MALRD1: variants seen among roughly 807,000 people sequenced by gnomAD.
The protein encoded by MALRD1 is MAM and LDL receptor class A domain containing 1.
In MALRD1, 247 loss-of-function variants were observed where a neutral mutation model predicts 242.1. The ratio of observed to expected loss-of-function variants is 1.02; its 90% CI spans 0.92 to 1.13. The LOEUF (loss-of-function observed/expected upper bound fraction) is 1.13, where lower values mean the gene tolerates loss of function less well. MALRD1 is among the 50% of genes most tolerant of loss of function. The pLI is 0.00. For missense variants in MALRD1, 2,989 were observed against 2,533.1 expected (o/e 1.18, Z -3.86); for synonymous variants, 995 against 866.6 (o/e 1.15, Z -2.60).
At position 19,298,942 on chromosome 10, in the gene MALRD1, C is replaced by A. The variant is rs1841827787; in HGVS notation, c.3419+15761C>A. Among the ~76,000 whole-genome samples the A allele has an allele frequency of 2.0e-5, 3 of 151,824 alleles. No homozygotes were observed. In the South Asian group the frequency reaches 6.2e-4, roughly 32 times the overall value. On this transcript the variant is annotated intron_variant, in intron 21 of 39. Coordinates refer to ENST00000454679, the MANE Select transcript of MALRD1 (RefSeq NM_001142308.3). ...CACAATGTATCAGAGAAAAAAAAAT[C>A]AAAACTAGAATTCTATACCTGGTAA...
At chr10:19,072,928 C>G (rs1455408545) in intron 2 of MALRD1, among the ~76,000 whole-genome samples, 3 of 150,250 alleles carry the variant, frequency 2.0e-5, no homozygotes, top group Admixed American at 2.0e-4. Flanking sequence ...CCTTTTTTTT[C>G]TGGTTAGACA....
chr10:19,140,153 A>G (rs1331302277), intron 10 of MALRD1, among the ~76,000 whole-genome samples: 1 of 152,146 alleles, frequency 6.6e-6, no homozygotes, highest in Non-Finnish European at 1.5e-5. Flanking sequence ...TTCATTTCCC[A>G]TACATAGCTT....
intron 14 of MALRD1, among the ~76,000 whole-genome samples, chr10:19,177,047 C>T (rs532285329): frequency 1.3e-5 from 2 of 151,984 alleles, no homozygotes; most frequent in East Asian, 3.9e-4. Flanking sequence ...GAGGCTGAGC[C>T]GGGCGGATCA....
chr10:19,411,321 A>G (rs867117575), intron 28 of MALRD1, among the ~76,000 whole-genome samples: 1 of 152,054 alleles, frequency 6.6e-6, no homozygotes, highest in African/African-American at 2.4e-5. Context: ...AACTACCACT[A>G]GCAGCAGCAG....
intron 12 of MALRD1, among the ~76,000 whole-genome samples, chr10:19,163,380 C>T (rs1031774568): frequency 3.3e-5 from 5 of 151,600 alleles, no homozygotes; most frequent in African/African-American, 1.2e-4. Flanking sequence ...AGGCCATTAT[C>T]CTTAGCAAAC....
intron 33 of MALRD1, among the ~76,000 whole-genome samples, chr10:19,569,351 G>A (rs1055063109): frequency 4.6e-5 from 7 of 151,640 alleles, no homozygotes; most frequent in Middle Eastern, 3.4e-3. Context: ...TTACTTTGCT[G>A]GTATTTTTGT....
chr10:19,259,656 T>C (rs1029617839), intron 19 of MALRD1, among the ~76,000 whole-genome samples: 1 of 152,040 alleles, frequency 6.6e-6, no homozygotes, highest in Non-Finnish European at 1.5e-5. Context: ...TAATTCAAGA[T>C]GAGATTTGGG....
chr10:19,673,230 C>T (rs553172178), intron 36 of MALRD1, among the ~76,000 whole-genome samples: 2 of 151,854 alleles, frequency 1.3e-5, no homozygotes, highest in South Asian at 2.1e-4. Flanking sequence ...AAAAACAATA[C>T]AAAAAAATTA....
At chr10:19,705,358 C>T (rs1225853620) in intron 38 of MALRD1, among the ~76,000 whole-genome samples, 1 of 152,174 alleles carries the variant, frequency 6.6e-6, no homozygotes, top group African/African-American at 2.4e-5. Flanking sequence ...AATACTTAGC[C>T]TTAGCAAACT....
At chr10:19,513,972 T>C (rs1480607644) in intron 31 of MALRD1, among the ~76,000 whole-genome samples, 1 of 152,182 alleles carries the variant, frequency 6.6e-6, no homozygotes, top group African/African-American at 2.4e-5. Context: ...CCTAGTCAAA[T>C]GATGGGATCT....
intron 29 of MALRD1, among the ~76,000 whole-genome samples, chr10:19,480,625 A>G (rs1177498372): frequency 1.3e-5 from 2 of 152,224 alleles, no homozygotes. Flanking sequence ...ATATCTATGC[A>G]AGGGTTCTTT....
At position 19,677,725 on chromosome 10, in the gene MALRD1, A is replaced by G. The variant is rs148479141; in HGVS notation, c.6138-14557A>G. Among the ~76,000 whole-genome samples, 905 of 152,176 alleles carry G rather than the reference A, an allele frequency of 5.9e-3. 9 individuals carry two copies. Among genetic ancestry groups the G allele is most frequent in the African/African-American group, 0.021 (869 of 41,548 alleles). On this transcript the variant is annotated intron_variant, in intron 36 of 39. Coordinates refer to ENST00000454679, the MANE Select transcript of MALRD1 (RefSeq NM_001142308.3). Reference sequence around the variant, plus strand: ...TGTGGCAACTGCTGTTGACATTTTCATCATGAAATCTTTGCCCATGCCTAT... The same window carrying G: ...TGTGGCAACTGCTGTTGACATTTTCGTCATGAAATCTTTGCCCATGCCTAT...
chr10:19,615,737 C>A, intron 35 of MALRD1, 120 bp from the exon 36 acceptor site: 1 of 819,882 alleles, frequency 1.2e-6, no homozygotes, highest in Non-Finnish European at 1.8e-6. Flanking sequence ...TTGCTTTTTG[C>A]AACTGGAAAG....
chr10:19,134,657 T>C (rs10826983), intron 9 of MALRD1, among the ~76,000 whole-genome samples: 49,660 of 152,170 alleles, frequency 0.33, 8,516 homozygotes, highest in African/African-American at 0.41. Flanking sequence ...TCACAGCCTA[T>C]TGAGTTAACA....
chr10:19,102,622 A>G (rs1328050444), intron 4 of MALRD1, among the ~76,000 whole-genome samples: 3 of 152,190 alleles, frequency 2.0e-5, no homozygotes, highest in African/African-American at 7.2e-5. Context: ...ACAAGGTTGA[A>G]TAATGCACAT....
At chr10:19,314,146 T>C (rs1325689633) in intron 21 of MALRD1, among the ~76,000 whole-genome samples, 6 of 151,536 alleles carry the variant, frequency 4.0e-5, no homozygotes, top group Non-Finnish European at 8.9e-5. Flanking sequence ...ATTCTAGATA[T>C]TATAATAAAG....
intron 4 of MALRD1, among the ~76,000 whole-genome samples, chr10:19,088,540 T>G (rs1322281241): frequency 1.0e-5 from 1 of 95,774 alleles, no homozygotes; most frequent in Non-Finnish European, 2.1e-5. Context: ...TTCTTTCTTT[T>G]TTTTTTTTTT....
At chr10:19,518,751 A>G (rs192757788) in intron 31 of MALRD1, among the ~76,000 whole-genome samples, 2 of 152,306 alleles carry the variant, frequency 1.3e-5, no homozygotes, top group Non-Finnish European at 2.9e-5. Context: ...TGTTTCACTA[A>G]CAGTCATGTT....
chr10:19,226,421 A>T (rs1837804050), intron 18 of MALRD1, among the ~76,000 whole-genome samples: 1 of 152,180 alleles, frequency 6.6e-6, no homozygotes, highest in African/African-American at 2.4e-5. Flanking sequence ...GATTATGAAA[A>T]ATGCAATGAT....
Sources: allele counts gnomAD v4.1 joint callset (sites outside exome capture counted in the v4.1 genomes callset), GRCh38; gene constraint gnomAD v4.1.1; transcripts MANE v1.5; gene names NCBI Gene and HGNC (gene_info 2026-07-23, HGNC 2026-07-21).